CDKAL1: variants seen among roughly 807,000 people sequenced by gnomAD.
CDKAL1 encodes the protein CDKAL1 threonylcarbamoyladenosine tRNA methylthiotransferase.
In CDKAL1, 32 loss-of-function variants were observed where a neutral mutation model predicts 68.2. The observed-to-expected ratio is 0.47, with a 90% CI of 0.35 to 0.63. The LOEUF (loss-of-function observed/expected upper bound fraction) is 0.63. Among genes scored for constraint, CDKAL1 ranks in the 30% least tolerant of loss-of-function variants. The pLI is 0.00. For missense variants in CDKAL1, 606 were observed against 696.7 expected (o/e 0.87, Z 1.47); for synonymous variants, 234 against 244.3 (o/e 0.96, Z 0.39).
At chr6:20,955,727 C>A in intron 10 of CDKAL1, 142 bp downstream of exon 10, 2 of 644,946 alleles carry the variant, frequency 3.1e-6, no homozygotes, top group Non-Finnish European at 5.0e-6. Context: ...AAGAATGAAT[C>A]AAGACTTTCA....
intron 10 of CDKAL1, among the ~76,000 whole-genome samples, chr6:20,962,223 T>A (rs1038627068): frequency 2.6e-5 from 4 of 152,266 alleles, no homozygotes; most frequent in African/African-American, 9.6e-5. Context: ...TTTATTTAGC[T>A]TGAATTAAAA....
chr6:20,762,920 TTC>T (rs1397507679), intron 7 of CDKAL1, among the ~76,000 whole-genome samples: 2 of 152,316 alleles, frequency 1.3e-5, no homozygotes, highest in African/African-American at 4.8e-5. Flanking sequence ...CCATTTTCAC[TTC>T]TTTTGTCCAT....
At chr6:20,956,632 A>G (rs936968797) in intron 10 of CDKAL1, among the ~76,000 whole-genome samples, 3 of 152,212 alleles carry the variant, frequency 2.0e-5, no homozygotes, top group Admixed American at 1.3e-4. Context: ...TGCTGCTGAA[A>G]TTTAATGCAA....
In CDKAL1 at chr6:21,232,003, G is replaced by GTTTTTTTTTTT. The variant is rs71530402; in HGVS notation, c.*969_*970insTTTTTTTTTTT. The GTTTTTTTTTTT allele has an allele frequency of 1.3e-5, 1 of 76,084 alleles. No individual in the cohort carries two copies. Among genetic ancestry groups the GTTTTTTTTTTT allele is most frequent in the African/African-American group, 3.5e-5 (1 of 28,236 alleles). The allele number at this position is 76,084 out of a possible 1,614,324, so 4.7% of individuals were successfully genotyped here. A position where few individuals can be genotyped will look rare whatever the true frequency, so the allele number is the denominator to read the frequency against. On this transcript the variant is annotated 3_prime_UTR_variant, in exon 16 of 16. Coordinates refer to ENST00000274695, the MANE Select transcript of CDKAL1 (RefSeq NM_017774.3). ...TTTGATCCATTGGGGTTTTTTTTTT[G>GTTTTTTTTTTT]TTTTTGTTTTTTTTTTTTTTTGAGT...
intron 13 of CDKAL1, among the ~76,000 whole-genome samples, chr6:21,132,901 C>G (rs957618883): frequency 4.6e-5 from 7 of 151,884 alleles, no homozygotes; most frequent in Non-Finnish European, 8.8e-5. Flanking sequence ...TTCTACAGAG[C>G]ATGGGGATTG....
At chr6:20,668,280 A>G (rs1348729775) in intron 5 of CDKAL1, among the ~76,000 whole-genome samples, 1 of 152,166 alleles carries the variant, frequency 6.6e-6, no homozygotes, top group Non-Finnish European at 1.5e-5. Flanking sequence ...TTTGGTAATA[A>G]TTGGCATTAT....
At chr6:20,899,408 G>T (rs1761859893) in intron 9 of CDKAL1, among the ~76,000 whole-genome samples, 3 of 152,138 alleles carry the variant, frequency 2.0e-5, no homozygotes, top group Admixed American at 6.5e-5. Flanking sequence ...TGTTAATGAG[G>T]TGTTATTTTC....
intron 4 of CDKAL1, among the ~76,000 whole-genome samples, chr6:20,588,910 T>C (rs780441600): frequency 2.0e-5 from 3 of 152,212 alleles, no homozygotes; most frequent in Non-Finnish European, 2.9e-5. Flanking sequence ...TTCTGTTTTA[T>C]AGGATTATAT....
intron 11 of CDKAL1, among the ~76,000 whole-genome samples, chr6:21,009,494 C>T (rs537896262): frequency 6.6e-6 from 1 of 152,256 alleles, no homozygotes; most frequent in African/African-American, 2.4e-5. Flanking sequence ...ACAGCAGTCC[C>T]ACTACTAGCT....
At chr6:20,857,214 T>C (rs190354420) in intron 9 of CDKAL1, among the ~76,000 whole-genome samples, 106 of 152,356 alleles carry the variant, frequency 7.0e-4, no homozygotes, top group Non-Finnish European at 1.2e-3. Flanking sequence ...AAGTTTGATT[T>C]AGATTGCTGA....
chr6:20,629,152 T>G (rs1767563365), intron 4 of CDKAL1, among the ~76,000 whole-genome samples: 1 of 152,232 alleles, frequency 6.6e-6, no homozygotes, highest in Non-Finnish European at 1.5e-5. Flanking sequence ...TGCCTTTATA[T>G]CTTTGACATT....
At chr6:21,016,520 C>T (rs1768342330) in intron 11 of CDKAL1, among the ~76,000 whole-genome samples, 1 of 152,046 alleles carries the variant, frequency 6.6e-6, no homozygotes, top group South Asian at 2.1e-4. Flanking sequence ...GGCAGTCTTT[C>T]ATCCATATTT....
intron 13 of CDKAL1, among the ~76,000 whole-genome samples, chr6:21,109,928 T>A (rs1774038368): frequency 6.6e-6 from 1 of 152,192 alleles, no homozygotes; most frequent in Non-Finnish European, 1.5e-5. Context: ...CCATTCTTCT[T>A]TTATTAGAAC....
chr6:21,130,711 G>A (rs372569374), intron 13 of CDKAL1, among the ~76,000 whole-genome samples: 1 of 152,136 alleles, frequency 6.6e-6, no homozygotes, highest in Admixed American at 6.5e-5. Flanking sequence ...TCTTTGGCTT[G>A]ACCTTTTTAC....
At chr6:20,649,173 G>T in intron 4 of CDKAL1, 120 bp from the exon 5 acceptor site, 1 of 669,766 alleles carries the variant, frequency 1.5e-6, no homozygotes, top group Non-Finnish European at 2.6e-6. Flanking sequence ...TGTTGTAATT[G>T]CCTGTTCATT....
intron 9 of CDKAL1, among the ~76,000 whole-genome samples, chr6:20,918,332 CTACAGCAATACCA>C (rs1201590946): frequency 6.6e-6 from 1 of 152,172 alleles, no homozygotes; most frequent in Non-Finnish European, 1.5e-5. Context: ...CCCAAATGGA[CTACAGCAATACCA>C]TTCAACTATC....
At chr6:20,817,654 T>TGTCATTTA (rs1777101692) in intron 8 of CDKAL1, among the ~76,000 whole-genome samples, 1 of 152,188 alleles carries the variant, frequency 6.6e-6, no homozygotes, top group African/African-American at 2.4e-5. Flanking sequence ...TTGCTTTAAA[T>TGTCATTTA]GACATGGAGA....
chr6:20,663,159 G>A (rs955295305), intron 5 of CDKAL1, among the ~76,000 whole-genome samples: 4 of 152,070 alleles, frequency 2.6e-5, no homozygotes, highest in African/African-American at 4.8e-5. Flanking sequence ...CTCAAAACCC[G>A]TGCTTGCATC....
At chr6:20,872,057 A>G (rs1187570697) in intron 9 of CDKAL1, among the ~76,000 whole-genome samples, 1 of 152,216 alleles carries the variant, frequency 6.6e-6, no homozygotes, top group African/African-American at 2.4e-5. Context: ...CAAGTTCCTT[A>G]GAGATTGTAG....
Sources: gnomAD v4.1 joint callset for allele counts (sites outside exome capture counted in the v4.1 genomes callset) on GRCh38, gnomAD v4.1.1 for gene constraint, MANE v1.5 for transcripts, NCBI Gene and HGNC (gene_info 2026-07-23, HGNC 2026-07-21) for gene names.